CACNA2D3: variants seen among roughly 807,000 people sequenced by gnomAD.
CACNA2D3 encodes the protein calcium voltage-gated channel auxiliary subunit alpha2delta 3.
CACNA2D3 carries 60 observed loss-of-function variants against 160.6 expected under a neutral mutation model. The ratio of observed to expected loss-of-function variants is 0.37; its 90% CI spans 0.30 to 0.46. The LOEUF (loss-of-function observed/expected upper bound fraction) is 0.46. CACNA2D3 is among the 20% of genes least tolerant of loss of function. CACNA2D3 has a pLI of 1.00. For synonymous variants in CACNA2D3, 558 were observed against 492.9 expected (o/e 1.13, Z -1.75); for missense variants, 1,205 against 1,365.0 (o/e 0.88, Z 1.85).
intron 2 of CACNA2D3, among the ~76,000 whole-genome samples, chr3:54,240,292 T>C (rs1701952577): frequency 6.6e-6 from 1 of 152,178 alleles, no homozygotes; most frequent in African/African-American, 2.4e-5. Context: ...TCCCATTCGT[T>C]GGTTTTTGGA....
chr3:54,736,120 CATATATATAT>C (rs1701522344), intron 11 of CACNA2D3, among the ~76,000 whole-genome samples: 4 of 45,994 alleles, frequency 8.7e-5, no homozygotes, highest in African/African-American at 3.8e-4. Flanking sequence ...TATATATATA[CATATATATAT>C]GTATATATAT....
intron 13 of CACNA2D3, among the ~76,000 whole-genome samples, chr3:54,782,359 A>G (rs976621073): frequency 1.3e-5 from 2 of 152,166 alleles, no homozygotes; most frequent in African/African-American, 4.8e-5. Flanking sequence ...ATCTCATAGA[A>G]TTGTGAAGAT....
intron 3 of CACNA2D3, among the ~76,000 whole-genome samples, chr3:54,338,467 C>CTGTGTGTGTGTG (rs71074965): frequency 0.024 from 3,260 of 136,482 alleles, 83 homozygotes; most frequent in Middle Eastern, 0.049. Context: ...TCTCCCCTCC[C>CTGTGTGTGTGTG]TGTGTGTGTG....
At position 55,073,636 on chromosome 3, in the gene CACNA2D3, AATATT is replaced by A. The variant is rs1213488250; in HGVS notation, c.3100+81_3100+85del. 3.8e-6 allele frequency: 5 copies of A among 1,309,830 alleles called. No individual in the cohort carries two copies. In the African/African-American group the frequency reaches 7.3e-5, roughly 19 times the overall value. The allele number at this position is 1,309,830 out of a possible 1,614,324, so 81.1% of individuals were successfully genotyped here. A position where few individuals can be genotyped will look rare whatever the true frequency, so the allele number is the denominator to read the frequency against. ...CAGTGGTAAGGAAACCTGGGGGAGAAATATTAGAGAAGGAAAATTACATCCTTTCC... is the reference window on the plus strand; with the variant it reads ...CAGTGGTAAGGAAACCTGGGGGAGAAAGAGAAGGAAAATTACATCCTTTCC... On this transcript the variant is annotated intron_variant, in intron 36 of 37. Transcript: ENST00000474759.
chr3:54,349,887 A>G (rs774306727), intron 3 of CACNA2D3, among the ~76,000 whole-genome samples: 13 of 152,250 alleles, frequency 8.5e-5, no homozygotes, highest in African/African-American at 1.7e-4. Context: ...CTCATCTTCT[A>G]TGTGTCTGCG....
chr3:54,320,944 A>G (rs886529213), intron 3 of CACNA2D3, among the ~76,000 whole-genome samples: 1 of 152,240 alleles, frequency 6.6e-6, no homozygotes, highest in Non-Finnish European at 1.5e-5. Flanking sequence ...GATTTTCTCA[A>G]ATGGTTGCAT....
chr3:54,464,748 G>T (rs541030983), intron 4 of CACNA2D3, among the ~76,000 whole-genome samples: 30 of 152,212 alleles, frequency 2.0e-4, no homozygotes, highest in African/African-American at 7.2e-4. Flanking sequence ...ATGCCTCGCC[G>T]TGCTTCGGCT....
rs113593816 is a variant in CACNA2D3 at position 54,981,736 on chromosome 3, A to G, written c.2557-2872A>G. ...TTTTCCATTCTGGCCAGAGCAAAATACATGTGACAAAACACAGACATTAGC... is the reference window on the plus strand; with the variant it reads ...TTTTCCATTCTGGCCAGAGCAAAATGCATGTGACAAAACACAGACATTAGC... On this transcript the variant is annotated intron_variant, in intron 29 of 37. Transcript: ENST00000474759. Among the ~76,000 whole-genome samples the G allele has an allele frequency of 3.1e-3, 469 of 152,336 alleles. 3 individuals are homozygous for G. The highest frequency in any genetic ancestry group is 0.011 in the African/African-American group (456 of 41,584).
At chr3:54,507,004 T>A (rs1701381750) in intron 5 of CACNA2D3, among the ~76,000 whole-genome samples, 1 of 152,172 alleles carries the variant, frequency 6.6e-6, no homozygotes, top group Non-Finnish European at 1.5e-5. Context: ...TATATATACA[T>A]ACACACACAT....
At chr3:54,288,192 G>C (rs891609555) in intron 2 of CACNA2D3, among the ~76,000 whole-genome samples, 1 of 151,992 alleles carries the variant, frequency 6.6e-6, no homozygotes, top group Non-Finnish European at 1.5e-5. Context: ...TAATAAAGAA[G>C]AAAAGAGAGA....
chr3:54,342,799 G>A (rs148334863), intron 3 of CACNA2D3, among the ~76,000 whole-genome samples: 1,900 of 152,352 alleles, frequency 0.012, 29 homozygotes, highest in South Asian at 0.046. Context: ...CACTTGCAGA[G>A]GTGGCGAGAT....
At chr3:55,016,549 A>G (rs1439139842) in intron 34 of CACNA2D3, among the ~76,000 whole-genome samples, 1 of 152,202 alleles carries the variant, frequency 6.6e-6, no homozygotes, top group African/African-American at 2.4e-5. Flanking sequence ...AATGACTAGC[A>G]TTTCATGAAG....
At chr3:54,943,142 C>T (rs1575395723) in intron 27 of CACNA2D3, among the ~76,000 whole-genome samples, 1 of 151,070 alleles carries the variant, frequency 6.6e-6, no homozygotes, top group Non-Finnish European at 1.5e-5. Flanking sequence ...TTCGAGGCTA[C>T]AGTGGACTAT....
At chr3:54,367,013 G>T (rs950557887) in intron 3 of CACNA2D3, among the ~76,000 whole-genome samples, 1 of 152,194 alleles carries the variant, frequency 6.6e-6, no homozygotes, top group Non-Finnish European at 1.5e-5. Context: ...GTTGTGGCGG[G>T]AATCCAGGCA....
intron 4 of CACNA2D3, among the ~76,000 whole-genome samples, chr3:54,419,091 A>G (rs1370692609): frequency 6.6e-6 from 1 of 152,174 alleles, no homozygotes; most frequent in Non-Finnish European, 1.5e-5. Flanking sequence ...TTAAAATACA[A>G]TTTGCCAAAG....
intron 23 of CACNA2D3, among the ~76,000 whole-genome samples, chr3:54,887,092 A>G (rs923382526): frequency 1.3e-5 from 2 of 152,042 alleles, no homozygotes; most frequent in Non-Finnish European, 1.5e-5. Flanking sequence ...AGCTCTACCA[A>G]GAGTCCCTTT....
chr3:54,888,135 T>C, intron 24 of CACNA2D3, 83 bp downstream of exon 24: 3 of 1,092,184 alleles, frequency 2.7e-6, no homozygotes, highest in Non-Finnish European at 4.2e-6. Flanking sequence ...AGAACTAAAC[T>C]GTTTTAGGAA....
At chr3:54,839,489 C>T (rs879401564) in intron 16 of CACNA2D3, among the ~76,000 whole-genome samples, 1 of 152,174 alleles carries the variant, frequency 6.6e-6, no homozygotes, top group East Asian at 1.9e-4. Flanking sequence ...ATTCACTGGA[C>T]GAAGGGCTCC....
At chr3:54,229,939 CTG>C (rs2107390879) in intron 2 of CACNA2D3, among the ~76,000 whole-genome samples, 2 of 152,260 alleles carry the variant, frequency 1.3e-5, no homozygotes, top group South Asian at 4.1e-4. Flanking sequence ...TTCTTGTCAT[CTG>C]TGTTTTTTGC....
Sources: gnomAD v4.1 joint callset for allele counts (sites outside exome capture counted in the v4.1 genomes callset) on GRCh38, gnomAD v4.1.1 for gene constraint, MANE v1.5 for transcripts, NCBI Gene and HGNC (gene_info 2026-07-23, HGNC 2026-07-21) for gene names.